The following TRPM3 variants were observed in gnomAD, a reference collection of about 807,000 sequenced individuals.
TRPM3 encodes long transient receptor potential channel 3.
A neutral mutation model predicts 181.2 loss-of-function variants in TRPM3; 77 were observed. The ratio of observed to expected loss-of-function variants is 0.42; its 90% confidence interval spans 0.35 to 0.51. The LOEUF is 0.51. TRPM3 is among the 20% of genes least tolerant of loss of function. The probability of loss-of-function intolerance (pLI) is 0.01; values close to 1 mark genes in which losing one functional copy is unlikely to be tolerated. For missense variants in TRPM3, 1,759 were observed against 2,196.7 expected (o/e 0.80, Z 3.98); for synonymous variants, 745 against 796.4 (o/e 0.94, Z 1.09).
chr9:71,330,905 C>T (rs1034740724), intron 1 of TRPM3, among the ~76,000 whole-genome samples: 4 of 151,794 alleles, frequency 2.6e-5, no homozygotes, highest in African/African-American at 9.7e-5. Flanking sequence ...TGATAGAGTG[C>T]TGATCTGGCC....
intron 1 of TRPM3, among the ~76,000 whole-genome samples, chr9:71,194,411 T>C (rs2078218373): frequency 6.6e-6 from 1 of 151,938 alleles, no homozygotes; most frequent in Non-Finnish European, 1.5e-5. Flanking sequence ...GCCCTGTTGC[T>C]GAATTTTAGC....
chr9:71,066,849 G>A (rs774383034), intron 1 of TRPM3, among the ~76,000 whole-genome samples: 1 of 152,002 alleles, frequency 6.6e-6, no homozygotes, highest in Admixed American at 6.6e-5. Context: ...TTTTTATCTA[G>A]TCTCACTAGT....
At chr9:71,309,242 A>C (rs2132386587) in intron 1 of TRPM3, among the ~76,000 whole-genome samples, 1 of 152,302 alleles carries the variant, frequency 6.6e-6, no homozygotes, top group East Asian at 1.9e-4. Context: ...TAGGACACCT[A>C]GATTTCTGAG....
intron 1 of TRPM3, among the ~76,000 whole-genome samples, chr9:71,273,464 G>T (rs144395940): frequency 6.6e-6 from 1 of 152,172 alleles, no homozygotes; most frequent in East Asian, 1.9e-4. Flanking sequence ...TAAGACCATA[G>T]AGACAGCACT....
chr9:71,141,694 G>A (rs966349244), intron 1 of TRPM3, among the ~76,000 whole-genome samples: 1 of 152,032 alleles, frequency 6.6e-6, no homozygotes, highest in Non-Finnish European at 1.5e-5. Context: ...TGAATGACGG[G>A]ATTAATATTA....
At position 70,620,107 on chromosome 9, in the gene TRPM3, C is replaced by T; in HGVS notation, c.2098G>A (p.Asp700Asn). 2 of 1,609,742 alleles carry T rather than the reference C, an allele frequency of 1.2e-6. No individual in the cohort carries two copies. The highest frequency in any genetic ancestry group is 8.5e-7 in the Non-Finnish European group (1 of 1,176,486). Residue 700 changes from aspartate to asparagine, a missense_variant, in exon 16 of 26, where the codon GAC (aspartate) becomes AAC (asparagine). Asp to Asn is a conservative substitution (Grantham distance 23). Transcript: ENST00000677713. ...HEASENDMVD[D>N]ISQELNHNSR... is the part of the protein sequence containing the mutation. ...TTGTGATTCAGCTCCTGGGAAATGT[C>T]GTCAACCATGTCGTTCTCAGAGGCC...
At chr9:71,326,923 C>T (rs2089728768) in intron 1 of TRPM3, among the ~76,000 whole-genome samples, 1 of 152,220 alleles carries the variant, frequency 6.6e-6, no homozygotes, top group Non-Finnish European at 1.5e-5. Flanking sequence ...CCTACATTCA[C>T]TCACTGAGCT....
At chr9:71,283,651 G>A (rs773995439) in intron 1 of TRPM3, among the ~76,000 whole-genome samples, 3 of 152,130 alleles carry the variant, frequency 2.0e-5, no homozygotes, top group Non-Finnish European at 4.4e-5. Flanking sequence ...TATATACCAC[G>A]TTTTGTTTAT....
chr9:71,113,710 T>C (rs1336784420), intron 1 of TRPM3, among the ~76,000 whole-genome samples: 1 of 152,184 alleles, frequency 6.6e-6, no homozygotes, highest in Non-Finnish European at 1.5e-5. Context: ...ACTTTAAAGA[T>C]GTGGATACAT....
intron 1 of TRPM3, among the ~76,000 whole-genome samples, chr9:71,284,304 G>A (rs575138673): frequency 6.6e-6 from 1 of 152,328 alleles, no homozygotes; most frequent in South Asian, 2.1e-4. Context: ...GACATCTAGT[G>A]ATTCAGGATA....
At chr9:70,928,608 G>A (rs2096744279) in intron 1 of TRPM3, among the ~76,000 whole-genome samples, 1 of 152,164 alleles carries the variant, frequency 6.6e-6, no homozygotes, top group African/African-American at 2.4e-5. Flanking sequence ...CCTCTCTGTT[G>A]ACTTCATTGT....
At chr9:71,330,711 T>C (rs767870944) in intron 1 of TRPM3, among the ~76,000 whole-genome samples, 11 of 151,722 alleles carry the variant, frequency 7.3e-5, no homozygotes, top group Non-Finnish European at 1.5e-4. Context: ...ATATACACCA[T>C]AGAGAGAAGA....
intron 1 of TRPM3, among the ~76,000 whole-genome samples, chr9:71,376,193 G>A (rs914431901): frequency 6.6e-6 from 1 of 151,798 alleles, no homozygotes; most frequent in African/African-American, 2.4e-5. Flanking sequence ...CAAAAATGAT[G>A]AGATATAAAA....
At chr9:70,613,823 A>T (rs929258024) in intron 18 of TRPM3, among the ~76,000 whole-genome samples, 9 of 152,118 alleles carry the variant, frequency 5.9e-5, no homozygotes, top group African/African-American at 2.2e-4. Context: ...GGCTTCTTGA[A>T]GGATCAGGTT....
intron 1 of TRPM3, among the ~76,000 whole-genome samples, chr9:71,207,778 T>A (rs142542326): frequency 6.6e-6 from 1 of 152,314 alleles, no homozygotes; most frequent in East Asian, 1.9e-4. Flanking sequence ...TTTCAACAGA[T>A]CTTCCTTGCC....
At chr9:71,420,603 GAGAAAGAA>G (rs140207567) in intron 1 of TRPM3, among the ~76,000 whole-genome samples, 10 of 133,658 alleles carry the variant, frequency 7.5e-5, no homozygotes, top group African/African-American at 2.7e-4. Context: ...AGAAAGAGAA[GAGAAAGAA>G]AGAAAGACAG....
At chr9:70,799,453 T>C (rs2088235846) in intron 6 of TRPM3, among the ~76,000 whole-genome samples, 1 of 152,246 alleles carries the variant, frequency 6.6e-6, no homozygotes, top group Non-Finnish European at 1.5e-5. Context: ...TCTAATCTGA[T>C]CGAATCTTTC....
At chr9:70,991,423 G>C (rs906101975) in intron 1 of TRPM3, among the ~76,000 whole-genome samples, 1 of 152,148 alleles carries the variant, frequency 6.6e-6, no homozygotes, top group East Asian at 1.9e-4. Context: ...AATTACGATA[G>C]TTATTAGACT....
chr9:70,538,180 A>G (rs923353417), intron 25 of TRPM3, among the ~76,000 whole-genome samples: 2 of 152,114 alleles, frequency 1.3e-5, no homozygotes, highest in Admixed American at 1.3e-4. Context: ...CAATTCTTCT[A>G]CTCCTCTCTC....
Sources: gnomAD v4.1 joint callset for allele counts (sites outside exome capture counted in the v4.1 genomes callset) on GRCh38, gnomAD v4.1.1 for gene constraint, MANE v1.5 for transcripts, NCBI Gene and HGNC (gene_info 2026-07-23, HGNC 2026-07-21) for gene names.